EBF1: variants seen among roughly 807,000 people sequenced by gnomAD.
The protein encoded by EBF1 is transcription factor COE1.
A neutral mutation model predicts 68.4 loss-of-function variants in EBF1; 10 were observed. That is an observed-to-expected ratio of 0.15 (90% CI 0.09 to 0.25). The LOEUF is 0.25. Among genes scored for constraint, EBF1 ranks in the 10% least tolerant of loss-of-function variants. The probability of loss-of-function intolerance (pLI) is 1.00; values close to 1 mark genes in which losing one functional copy is unlikely to be tolerated. For missense variants in EBF1, 509 were observed against 794.4 expected (o/e 0.64, Z 4.32); for synonymous variants, 298 against 299.8 (o/e 0.99, Z 0.06).
intron 11 of EBF1, among the ~76,000 whole-genome samples, chr5:158,729,867 C>T (rs1298840956): frequency 6.6e-6 from 1 of 152,226 alleles, no homozygotes; most frequent in Non-Finnish European, 1.5e-5. Context: ...GCAGTTAGCG[C>T]TCCTCCTCTC....
chr5:159,083,285 C>A (rs1351835360), intron 5 of EBF1, among the ~76,000 whole-genome samples: 1 of 152,182 alleles, frequency 6.6e-6, no homozygotes, highest in Non-Finnish European at 1.5e-5. Context: ...ATTTTACTCA[C>A]AATTCTGAAA....
chr5:159,099,654 T>A lies in EBF1; in HGVS notation c.-176A>T. 3 of 743,548 alleles carry A rather than the reference T, an allele frequency of 4.0e-6. No individual in the cohort carries two copies. The highest frequency in any genetic ancestry group is 5.8e-6 in the Non-Finnish European group (3 of 513,528). The allele number at this position is 743,548 out of a possible 1,614,324, so 46.1% of individuals were successfully genotyped here. On this transcript the variant is annotated 5_prime_UTR_variant, in exon 1 of 16. Coordinates refer to ENST00000313708, the MANE Select transcript of EBF1 (RefSeq NM_024007.5). ...CAAGGCGGGCTGGAAAGCAAATTTT[T>A]AAAAAATGTAAACCTCTGCTCAAAA...
intron 6 of EBF1, among the ~76,000 whole-genome samples, chr5:158,943,391 C>T (rs1813913339): frequency 6.6e-6 from 1 of 151,952 alleles, no homozygotes; most frequent in Admixed American, 6.6e-5. Context: ...GCTCTGAGGA[C>T]ACAAGAGAGA....
At chr5:159,085,269 C>T (rs1780428315) in intron 4 of EBF1, among the ~76,000 whole-genome samples, 2 of 152,122 alleles carry the variant, frequency 1.3e-5, no homozygotes, top group Admixed American at 1.3e-4. Flanking sequence ...CAGGGAAAAT[C>T]CCTCTTCCCA....
intron 6 of EBF1, among the ~76,000 whole-genome samples, chr5:158,909,481 AT>A (rs1283172108): frequency 2.0e-5 from 3 of 152,204 alleles, no homozygotes; most frequent in Non-Finnish European, 4.4e-5. Context: ...CATTAGGATC[AT>A]TTGAAGTTAT....
chr5:159,054,895 C>T (rs890011667), intron 6 of EBF1, among the ~76,000 whole-genome samples: 6 of 152,188 alleles, frequency 3.9e-5, no homozygotes, highest in African/African-American at 9.6e-5. Flanking sequence ...TCACATTTTA[C>T]AAGCCTACAA....
In EBF1 at chr5:158,873,025, T is replaced by A. The variant is rs1316950477; in HGVS notation, c.555-32915A>T. On this transcript the variant is annotated intron_variant, in intron 6 of 15. Transcript: ENST00000313708. ...TTTTTTTTTTTTTTTTTTTTTTTTT[T>A]ACTGCTAATCAACATTACAAGATCC... Among the ~76,000 whole-genome samples, 50 of 139,908 alleles carry A rather than the reference T, an allele frequency of 3.6e-4. No individual in the cohort carries two copies. In the Admixed American group the frequency reaches 3.6e-3, roughly 10 times the overall value. 91.8% of individuals were successfully genotyped at this position (139,908 alleles called of 152,430 possible).
intron 6 of EBF1, among the ~76,000 whole-genome samples, chr5:158,911,086 C>T (rs2127360985): frequency 6.6e-6 from 1 of 152,268 alleles, no homozygotes; most frequent in South Asian, 2.1e-4. Flanking sequence ...CTTTCTATCT[C>T]TTCAGTCATG....
At chr5:158,926,953 C>A in intron 6 of EBF1, among the ~76,000 whole-genome samples, 1 of 152,112 alleles carries the variant, frequency 6.6e-6, no homozygotes. Context: ...GAAAAGCAAG[C>A]CTTCCTTGTT....
chr5:158,955,693 G>A (rs548740034), intron 6 of EBF1, among the ~76,000 whole-genome samples: 17 of 152,318 alleles, frequency 1.1e-4, no homozygotes, highest in African/African-American at 3.8e-4. Context: ...TTACAGGGAC[G>A]CATCATTTCT....
chr5:158,887,838 T>C (rs993241023), intron 6 of EBF1, among the ~76,000 whole-genome samples: 7 of 152,346 alleles, frequency 4.6e-5, no homozygotes, highest in Admixed American at 4.6e-4. Context: ...AAAGCATTCA[T>C]GTTTATGATT....
rs569372267 is a variant in EBF1 at position 158,852,795 on chromosome 5, A to G, written c.555-12685T>C. Among the ~76,000 whole-genome samples the G allele has an allele frequency of 5.3e-5, 8 of 152,340 alleles. No homozygotes were observed. In the South Asian group the frequency reaches 1.5e-3, roughly 28 times the overall value. On this transcript the variant is annotated intron_variant, in intron 6 of 15. Coordinates refer to ENST00000313708, the MANE Select transcript of EBF1 (RefSeq NM_024007.5). ...ACTAAAGCAGTATCAGAGACGAACA[A>G]TGACAGCATTTAGACTTTCTGAGGG...
At chr5:158,947,332 G>C (rs1430261244) in intron 6 of EBF1, among the ~76,000 whole-genome samples, 1 of 152,236 alleles carries the variant, frequency 6.6e-6, no homozygotes, top group Admixed American at 6.5e-5. Flanking sequence ...TTGGCAACCG[G>C]GAGAATCTCC....
At chr5:158,820,824 G>C (rs1784671025) in intron 8 of EBF1, among the ~76,000 whole-genome samples, 1 of 152,152 alleles carries the variant, frequency 6.6e-6, no homozygotes, top group African/African-American at 2.4e-5. Flanking sequence ...AACACTCTTA[G>C]AAGAGGGAAT....
At chr5:158,898,028 A>G (rs1802506346) in intron 6 of EBF1, among the ~76,000 whole-genome samples, 1 of 152,182 alleles carries the variant, frequency 6.6e-6, no homozygotes, top group South Asian at 2.1e-4. Flanking sequence ...TGATTCTAAA[A>G]CTGTGTAAAA....
intron 6 of EBF1, among the ~76,000 whole-genome samples, chr5:158,980,155 C>T (rs1757619195): frequency 6.6e-6 from 1 of 152,166 alleles, no homozygotes; most frequent in Admixed American, 6.5e-5. Context: ...TTTCCTTCAA[C>T]AAAGATATTA....
At chr5:158,951,599 A>T (rs931195199) in intron 6 of EBF1, among the ~76,000 whole-genome samples, 1 of 152,214 alleles carries the variant, frequency 6.6e-6, no homozygotes, top group Non-Finnish European at 1.5e-5. Flanking sequence ...AGTCAAATGC[A>T]AAATATGACT....
chr5:158,936,758 CCTT>C lies in EBF1; in HGVS notation c.555-96651_555-96649del, dbSNP rs1279955092. Among the ~76,000 whole-genome samples, 3 of 152,290 alleles carry C rather than the reference CCTT, an allele frequency of 2.0e-5. No homozygotes were observed. The East Asian group carries it at 5.8e-4, about 29-fold the overall frequency. On this transcript the variant is annotated intron_variant, in intron 6 of 15. Coordinates refer to ENST00000313708, the MANE Select transcript of EBF1 (RefSeq NM_024007.5). Reference sequence around the variant, plus strand: ...TGAGGGCAAGAATTTTGCCCTGTAACCTTAATCTTGTTGATCTTCCACTTCCCC... The same window carrying C: ...TGAGGGCAAGAATTTTGCCCTGTAACAATCTTGTTGATCTTCCACTTCCCC...
intron 6 of EBF1, among the ~76,000 whole-genome samples, chr5:158,965,587 T>A (rs930959258): frequency 2.0e-5 from 3 of 152,230 alleles, no homozygotes; most frequent in Non-Finnish European, 4.4e-5. Flanking sequence ...CTAAGCCTTC[T>A]GTGGCATTTG....
Sources: gnomAD v4.1 joint callset for allele counts (sites outside exome capture counted in the v4.1 genomes callset) on GRCh38, gnomAD v4.1.1 for gene constraint, MANE v1.5 for transcripts, NCBI Gene and HGNC (gene_info 2026-07-23, HGNC 2026-07-21) for gene names.